MAP4K4: variants seen among roughly 807,000 people sequenced by gnomAD.
MAP4K4 encodes HPK/GCK-like kinase HGK.
MAP4K4 carries 38 observed loss-of-function variants against 189.6 expected under a neutral mutation model. That is an observed-to-expected ratio of 0.20 (90% CI 0.15 to 0.26). The LOEUF (loss-of-function observed/expected upper bound fraction) is 0.26, where lower values mean the gene tolerates loss of function less well. MAP4K4 is among the 10% of genes least tolerant of loss of function. MAP4K4 has a pLI of 1.00. For missense variants in MAP4K4, 1,054 were observed against 1,726.9 expected (o/e 0.61, Z 6.91); for synonymous variants, 610 against 624.3 (o/e 0.98, Z 0.34).
At chr2:101,854,550 A>G (rs1415064063) in intron 12 of MAP4K4, among the ~76,000 whole-genome samples, 1 of 152,220 alleles carries the variant, frequency 6.6e-6, no homozygotes, top group East Asian at 1.9e-4. Flanking sequence ...CTGGACTACC[A>G]AATCATCGTT....
At chr2:101,789,008 T>C (rs1305376556) in intron 2 of MAP4K4, among the ~76,000 whole-genome samples, 1 of 152,190 alleles carries the variant, frequency 6.6e-6, no homozygotes. Context: ...CCCAACATTT[T>C]ACTAACACAT....
intron 2 of MAP4K4, among the ~76,000 whole-genome samples, chr2:101,698,970 T>G (rs1175618783): frequency 6.6e-6 from 1 of 152,162 alleles, no homozygotes; most frequent in African/African-American, 2.4e-5. Flanking sequence ...CAGCCTCCAC[T>G]CAGTGCTTGC....
At chr2:101,874,829 G>A (rs2098153291) in intron 26 of MAP4K4, among the ~76,000 whole-genome samples, 1 of 152,300 alleles carries the variant, frequency 6.6e-6, no homozygotes, top group South Asian at 2.1e-4. Context: ...ATATCATGGA[G>A]AAGTAGAAGA....
In MAP4K4 at chr2:101,851,988, G is replaced by A. The variant is rs548582959; in HGVS notation, c.1234-3989G>A. On this transcript the variant is annotated intron_variant, in intron 12 of 32. Transcript: ENST00000324219. ...ATGGATTAGTTGTTTGTAGTCTTGT[G>A]TGTATCTCTGGAAAGGAAGGGCTCA... Among the ~76,000 whole-genome samples, 3 of 152,020 alleles carry A rather than the reference G, an allele frequency of 2.0e-5. No individual in the cohort carries two copies. The East Asian group carries it at 5.8e-4, about 29-fold the overall frequency.
chr2:101,769,157 TAA>T (rs2080102524), intron 2 of MAP4K4, among the ~76,000 whole-genome samples: 2 of 152,236 alleles, frequency 1.3e-5, no homozygotes, highest in South Asian at 4.1e-4. Context: ...AAAGTTTCGT[TAA>T]GTGACTTGGC....
At chr2:101,705,032 A>G (rs2041536360) in intron 2 of MAP4K4, among the ~76,000 whole-genome samples, 1 of 152,086 alleles carries the variant, frequency 6.6e-6, no homozygotes, top group African/African-American at 2.4e-5. Flanking sequence ...TAATAAAGTG[A>G]TTCATTGGGA....
chr2:101,847,687 T>A (rs1479902694), intron 12 of MAP4K4, among the ~76,000 whole-genome samples: 3 of 152,204 alleles, frequency 2.0e-5, no homozygotes, highest in Non-Finnish European at 4.4e-5. Context: ...GAATAAAATT[T>A]AAAAGTTAAA....
At chr2:101,791,285 T>C (rs975255512) in intron 3 of MAP4K4, among the ~76,000 whole-genome samples, 2 of 152,060 alleles carry the variant, frequency 1.3e-5, no homozygotes, top group African/African-American at 4.8e-5. Flanking sequence ...CAAAATTTAG[T>C]AGCAAAAAAT....
chr2:101,824,247 C>T (rs995443747), intron 4 of MAP4K4, among the ~76,000 whole-genome samples, 194 bp downstream of exon 4: 2 of 151,928 alleles, frequency 1.3e-5, no homozygotes, highest in Admixed American at 6.6e-5. Context: ...ATTTTGATGT[C>T]GATTTCACAT....
chr2:101,797,285 C>T (rs773447261), intron 3 of MAP4K4: 116 of 1,290,696 alleles, frequency 9.0e-5, no homozygotes, highest in Non-Finnish European at 1.1e-4. Context: ...CTTACAGCTT[C>T]GTACTGGCTT....
At chr2:101,768,451 G>A (rs1251845408) in intron 2 of MAP4K4, among the ~76,000 whole-genome samples, 10 of 152,208 alleles carry the variant, frequency 6.6e-5, no homozygotes, top group African/African-American at 1.2e-4. Context: ...TGTCGTCAGC[G>A]TTGATTAAGG....
intron 13 of MAP4K4, among the ~76,000 whole-genome samples, chr2:101,858,384 C>T (rs2097539479): frequency 6.6e-6 from 1 of 152,228 alleles, no homozygotes; most frequent in African/African-American, 2.4e-5. Context: ...GTCTTTCTCT[C>T]CCCTTGTCCT....
chr2:101,698,671 G>C lies in MAP4K4; in HGVS notation c.123+133G>C. On this transcript the variant is annotated intron_variant, in intron 2 of 32. Coordinates refer to ENST00000324219, the Ensembl canonical transcript of MAP4K4. ...CAAAGTTGGGAGAGGGGTTTCTTTC[G>C]CCTTGCAGTCCCTCTGTTTTTGCAC... The C allele has an allele frequency of 5.2e-6, 4 of 766,370 alleles. No individual in the cohort carries two copies. The East Asian group carries it at 9.9e-5, about 19-fold the overall frequency. The allele number at this position is 766,370 out of a possible 1,614,324, so 47.5% of individuals were successfully genotyped here. A position where few individuals can be genotyped will look rare whatever the true frequency, so the allele number is the denominator to read the frequency against.
intron 2 of MAP4K4, among the ~76,000 whole-genome samples, chr2:101,787,723 T>A (rs1254370379): frequency 1.3e-5 from 2 of 152,072 alleles, no homozygotes; most frequent in African/African-American, 2.4e-5. Flanking sequence ...ACTATTTTGC[T>A]GGCCATTTTG....
intron 2 of MAP4K4, among the ~76,000 whole-genome samples, chr2:101,758,053 T>C (rs914425012): frequency 3.3e-5 from 5 of 152,072 alleles, no homozygotes; most frequent in Non-Finnish European, 5.9e-5. Flanking sequence ...GCAATAACAA[T>C]ACATTGTAAG....
exon 33 of MAP4K4, chr2:101,893,374 C>A: frequency 2.6e-6 from 1 of 380,570 alleles, no homozygotes; most frequent in Non-Finnish European, 5.2e-6. Flanking sequence ...TTGTAGTTAA[C>A]CTAGAGAAGG....
chr2:101,808,164 G>T (rs902562561), intron 3 of MAP4K4, among the ~76,000 whole-genome samples: 2 of 152,244 alleles, frequency 1.3e-5, no homozygotes, highest in East Asian at 1.9e-4. Context: ...ATGGGGAGAA[G>T]AATGCCCATG....
intron 2 of MAP4K4, among the ~76,000 whole-genome samples, chr2:101,779,613 G>A (rs2086214656): frequency 6.6e-6 from 1 of 151,454 alleles, no homozygotes; most frequent in Non-Finnish European, 1.5e-5. Flanking sequence ...CGAGACAAGA[G>A]CTCTTTCTAT....
intron 18 of MAP4K4, among the ~76,000 whole-genome samples, chr2:101,865,961 T>C (rs936920344): frequency 6.6e-6 from 1 of 152,240 alleles, no homozygotes; most frequent in Non-Finnish European, 1.5e-5. Flanking sequence ...TCCCAGCTCA[T>C]GCTTTCTGTA....
Sources: allele counts gnomAD v4.1 joint callset (sites outside exome capture counted in the v4.1 genomes callset), GRCh38; gene constraint gnomAD v4.1.1; transcripts MANE v1.5; gene names NCBI Gene and HGNC (gene_info 2026-07-23, HGNC 2026-07-21).